Variants in HYDIN observed in about 807,000 individuals in gnomAD.
HYDIN encodes the protein axonemal central pair apparatus protein HYDIN.
HYDIN carries 132 observed loss-of-function variants against 403.9 expected under a neutral mutation model. The observed-to-expected ratio is 0.33, with a 90% CI of 0.28 to 0.38. HYDIN has a LOEUF of 0.38. Among genes scored for constraint, HYDIN ranks in the 10% least tolerant of loss-of-function variants. HYDIN has a pLI of 1.00. For synonymous variants in HYDIN, 1,202 were observed against 1,891.7 expected (o/e 0.64, Z 9.46); for missense variants, 2,827 against 5,009.5 (o/e 0.56, Z 13.15).
In HYDIN at chr16:71,175,591, C is replaced by T; in HGVS notation, c.516+16G>A. On this transcript the variant is annotated intron_variant, in intron 5 of 85. Transcript: ENST00000393567. ...GCCAGTACAAGTGTCCAATTTCTTGCCATTCCTGGTATTACCTTGTTCTCC... is the reference window on the plus strand; with the variant it reads ...GCCAGTACAAGTGTCCAATTTCTTGTCATTCCTGGTATTACCTTGTTCTCC... 1.2e-6 allele frequency: 2 copies of T among 1,612,466 alleles called. No individual in the cohort carries two copies. Among genetic ancestry groups the T allele is most frequent in the South Asian group, 1.1e-5 (1 of 90,950 alleles).
At chr16:71,201,313 G>T (rs1338964412) in intron 1 of HYDIN, among the ~76,000 whole-genome samples, 2 of 152,152 alleles carry the variant, frequency 1.3e-5, no homozygotes, top group Admixed American at 6.5e-5. Context: ...TGGATTGACA[G>T]CTGAATCACT....
intron 67 of HYDIN, among the ~76,000 whole-genome samples, chr16:70,863,898 G>A (rs985571128): frequency 4.6e-5 from 7 of 151,110 alleles, no homozygotes; most frequent in African/African-American, 1.7e-4. Context: ...AGAAAGGAAG[G>A]AAGTCCCTGT....
intron 10 of HYDIN, among the ~76,000 whole-genome samples, chr16:71,110,458 TATATATAAAC>T (rs2083781559): frequency 7.0e-6 from 1 of 142,630 alleles, no homozygotes; most frequent in Admixed American, 7.2e-5. Flanking sequence ...AATATATAAA[TATATATAAAC>T]ATATATAAAT....
Position 70,978,913 on chromosome 16 carries a change from C to T in HYDIN, c.4638+1G>A. 6.2e-7 allele frequency: 1 copy of T among 1,613,196 alleles called. No individual in the cohort carries two copies. Among genetic ancestry groups the T allele is most frequent in the Non-Finnish European group, 8.5e-7 (1 of 1,179,966 alleles). ...TCCCGTGCAGGCTGGAGCTGTCTTA[C>T]CTCAGCAGGCTCGTCTTCTGGCACT... On this transcript the variant is annotated splice_donor_variant, in intron 30 of 85. Coordinates refer to ENST00000393567, the MANE Select transcript of HYDIN (RefSeq NM_001270974.2). LOFTEE classifies it high-confidence loss of function.
chr16:71,176,836 C>T (rs1254126745), intron 4 of HYDIN, among the ~76,000 whole-genome samples: 8 of 152,146 alleles, frequency 5.3e-5, no homozygotes, highest in African/African-American at 1.4e-4. Context: ...GTGTGAGGGA[C>T]GGAGACACAA....
At chr16:71,125,112 GTCACAGCCTCTCC>G (rs2084403305) in intron 9 of HYDIN, among the ~76,000 whole-genome samples, 1 of 151,342 alleles carries the variant, frequency 6.6e-6, no homozygotes, top group Non-Finnish European at 1.5e-5. Flanking sequence ...TCTCTGTGAA[GTCACAGCCTCTCC>G]TCTCTCTGCA....
chr16:70,910,071 CTTT>C (rs961649060), intron 47 of HYDIN, among the ~76,000 whole-genome samples: 38 of 151,812 alleles, frequency 2.5e-4, no homozygotes, highest in Admixed American at 7.9e-4. Flanking sequence ...TGTTATGTTT[CTTT>C]TTTAATTTTT....
intron 8 of HYDIN, among the ~76,000 whole-genome samples, chr16:71,133,700 C>G (rs1353775557): frequency 6.6e-6 from 1 of 152,126 alleles, no homozygotes; most frequent in Non-Finnish European, 1.5e-5. Context: ...CATGCCAAGT[C>G]TCTGAATACA....
intron 45 of HYDIN, among the ~76,000 whole-genome samples, chr16:70,926,073 A>C (rs1331501162): frequency 6.6e-6 from 1 of 150,608 alleles, no homozygotes; most frequent in African/African-American, 2.4e-5. Flanking sequence ...GGGATCTAGA[A>C]CTAGAAATAC....
intron 5 of HYDIN, among the ~76,000 whole-genome samples, chr16:71,170,913 G>A (rs1020695588): frequency 6.6e-5 from 10 of 152,212 alleles, no homozygotes; most frequent in Non-Finnish European, 1.5e-5. Flanking sequence ...ATTTGAAAAG[G>A]TGGGTGATGA....
chr16:71,133,349 G>T (rs1209284433), intron 8 of HYDIN: 1 of 447,410 alleles, frequency 2.2e-6, no homozygotes, highest in Non-Finnish European at 4.5e-6. Flanking sequence ...TGTTACAAAT[G>T]AAGAACTAGA....
chr16:71,058,541 T>C (rs1370438623), intron 18 of HYDIN, among the ~76,000 whole-genome samples: 2 of 133,656 alleles, frequency 1.5e-5, no homozygotes, highest in African/African-American at 5.6e-5. Flanking sequence ...CATGTATACA[T>C]ATGTAACTAA....
At chr16:71,028,673 C>A (rs2080801429) in intron 19 of HYDIN, among the ~76,000 whole-genome samples, 1 of 151,400 alleles carries the variant, frequency 6.6e-6, no homozygotes, top group Non-Finnish European at 1.5e-5. Flanking sequence ...AGATTTCATC[C>A]CATCTGTTCC....
chr16:70,852,697 T>A (rs2038735274), intron 73 of HYDIN: 1 of 152,022 alleles, frequency 6.6e-6, no homozygotes, highest in African/African-American at 2.4e-5. Context: ...CAAGCACATA[T>A]GTGTTGTATG....
chr16:71,049,929 G>A (rs933258455), intron 18 of HYDIN, among the ~76,000 whole-genome samples: 1 of 144,178 alleles, frequency 6.9e-6, no homozygotes, highest in Non-Finnish European at 1.5e-5. Flanking sequence ...AGATGAAGAG[G>A]TGAAAAATAT....
chr16:70,826,582 G>A (rs931185142), intron 83 of HYDIN, among the ~76,000 whole-genome samples: 4 of 151,428 alleles, frequency 2.6e-5, no homozygotes, highest in African/African-American at 9.8e-5. Context: ...ATGATGTCTT[G>A]TTTTGAGGTT....
chr16:71,049,133 G>C (rs2144224876), intron 18 of HYDIN, among the ~76,000 whole-genome samples: 1 of 152,382 alleles, frequency 6.6e-6, no homozygotes, highest in East Asian at 1.9e-4. Flanking sequence ...ACAATAGAGA[G>C]GCCCGAACCT....
At chr16:70,833,137 G>C (rs1156597664) in intron 79 of HYDIN, 70 bp from the exon 80 acceptor site, 1 of 1,392,476 alleles carries the variant, frequency 7.2e-7, no homozygotes, top group Non-Finnish European at 9.6e-7. Context: ...ATGCTACTGA[G>C]AACAAGAGAC....
chr16:70,888,623 C>T (rs1054934195), intron 58 of HYDIN, among the ~76,000 whole-genome samples: 19 of 151,042 alleles, frequency 1.3e-4, no homozygotes, highest in Non-Finnish European at 2.5e-4. Flanking sequence ...TTGGGGTGGA[C>T]GTCATGGTTC....
Sources: gnomAD v4.1 joint callset for allele counts (sites outside exome capture counted in the v4.1 genomes callset) on GRCh38, gnomAD v4.1.1 for gene constraint, MANE v1.5 for transcripts, NCBI Gene and HGNC (gene_info 2026-07-23, HGNC 2026-07-21) for gene names.